Variants in LRIG1 observed in about 807,000 individuals in gnomAD.
LRIG1 encodes leucine rich repeats and immunoglobulin like domains 1.
In LRIG1, 48 loss-of-function variants were observed where a neutral mutation model predicts 99.2. The observed-to-expected ratio is 0.48, with a 90% CI of 0.38 to 0.62. The LOEUF (loss-of-function observed/expected upper bound fraction) is 0.62, where lower values mean the gene tolerates loss of function less well. Among genes scored for constraint, LRIG1 ranks in the 20% least tolerant of loss-of-function variants. The pLI is 0.00. For missense variants in LRIG1, 1,646 were observed against 1,434.4 expected (o/e 1.15, Z -2.38); for synonymous variants, 772 against 596.1 (o/e 1.29, Z -4.30).
chr3:66,456,834 C>T (rs541623511), intron 2 of LRIG1, among the ~76,000 whole-genome samples: 4 of 152,274 alleles, frequency 2.6e-5, no homozygotes, highest in Non-Finnish European at 4.4e-5. Flanking sequence ...CAGGCACTCG[C>T]GGGCCAGGCG....
intron 3 of LRIG1, among the ~76,000 whole-genome samples, chr3:66,429,647 G>A (rs1485571151): frequency 2.0e-5 from 3 of 152,144 alleles, no homozygotes; most frequent in African/African-American, 7.2e-5. Context: ...GTGGGCACAT[G>A]TGATTATACA....
chr3:66,477,104 T>C (rs937774813), intron 1 of LRIG1, among the ~76,000 whole-genome samples: 1 of 152,226 alleles, frequency 6.6e-6, no homozygotes, highest in Non-Finnish European at 1.5e-5. Context: ...AAAAATATAC[T>C]TAAGCAGCCA....
chr3:66,485,762 C>T (rs992523094), intron 1 of LRIG1, among the ~76,000 whole-genome samples: 1 of 152,040 alleles, frequency 6.6e-6, no homozygotes, highest in African/African-American at 2.4e-5. Context: ...ATGTTACCAC[C>T]CCCTTTACCA....
chr3:66,448,452 T>G (rs1373029981), intron 3 of LRIG1, among the ~76,000 whole-genome samples: 1 of 152,206 alleles, frequency 6.6e-6, no homozygotes, highest in Admixed American at 6.5e-5. Flanking sequence ...GCAACAACAG[T>G]GGTTATTGGT....
At chr3:66,480,666 C>T (rs985179528) in intron 1 of LRIG1, among the ~76,000 whole-genome samples, 7 of 152,278 alleles carry the variant, frequency 4.6e-5, no homozygotes, top group African/African-American at 1.7e-4. Flanking sequence ...GTCCTATACT[C>T]GCTCCCAAGC....
intron 3 of LRIG1, among the ~76,000 whole-genome samples, chr3:66,438,847 C>T (rs1056034430): frequency 2.0e-5 from 3 of 152,246 alleles, no homozygotes; most frequent in Non-Finnish European, 4.4e-5. Context: ...CAACAACTCA[C>T]GCCTTTTGGC....
intron 3 of LRIG1, among the ~76,000 whole-genome samples, chr3:66,417,801 A>C (rs1361080217): frequency 6.6e-6 from 1 of 152,208 alleles, no homozygotes; most frequent in African/African-American, 2.4e-5. Context: ...AAAAAGAAAA[A>C]AAAAAAAAGA....
Position 66,428,904 on chromosome 3 carries a change from C to T in LRIG1, c.366-11638G>A, listed in dbSNP as rs184848999. Among the ~76,000 whole-genome samples, 7 of 152,326 alleles carry T rather than the reference C, an allele frequency of 4.6e-5. No individual in the cohort carries two copies. In the East Asian group the frequency reaches 1.4e-3, roughly 29 times the overall value. ...CTCTTCCCCTGCTGCTGGTGAATCA[C>T]CAGTTCCCTGGGGAATTTTGGCAGA... is the stretch of plus-strand genomic sequence containing the variant. On this transcript the variant is annotated intron_variant, in intron 3 of 18. Transcript: ENST00000273261.
At chr3:66,457,657 G>A (rs1700260703) in intron 2 of LRIG1, among the ~76,000 whole-genome samples, 1 of 152,230 alleles carries the variant, frequency 6.6e-6, no homozygotes, top group Non-Finnish European at 1.5e-5. Flanking sequence ...ACAGAAGAAA[G>A]AAAGCAAACG....
intron 3 of LRIG1, among the ~76,000 whole-genome samples, chr3:66,442,530 C>T (rs1453074610): frequency 6.6e-6 from 1 of 152,058 alleles, no homozygotes; most frequent in Non-Finnish European, 1.5e-5. Context: ...ACCCCTTTCA[C>T]ACGGGAGATT....
At chr3:66,411,867 A>G (rs1250558437) in intron 6 of LRIG1, among the ~76,000 whole-genome samples, 1 of 150,966 alleles carries the variant, frequency 6.6e-6, no homozygotes, top group Non-Finnish European at 1.5e-5. Context: ...AAAACAGAAA[A>G]ACGAAAAAGA....
rs919968705 is a variant in LRIG1 at position 66,501,003 on chromosome 3, C to G, written c.-596G>C. On this transcript the variant is annotated 5_prime_UTR_variant, in exon 1 of 19. Coordinates refer to ENST00000273261, the MANE Select transcript of LRIG1 (RefSeq NM_015541.3). Reference sequence around the variant, plus strand: ...GCAAGAGTCCCGCCGACCTCGCAGCCGAACAATCAGCCGCTTGCTGTTCGC... The same window carrying G: ...GCAAGAGTCCCGCCGACCTCGCAGCGGAACAATCAGCCGCTTGCTGTTCGC... 3.9e-5 allele frequency: 6 copies of G among 152,412 alleles called. No homozygotes were observed. Among genetic ancestry groups the G allele is most frequent in the African/African-American group, 9.7e-5 (4 of 41,442 alleles). The allele number at this position is 152,412 out of a possible 1,614,324, so 9.4% of individuals were successfully genotyped here.
chr3:66,411,746 G>C (rs1433513409), intron 6 of LRIG1, among the ~76,000 whole-genome samples: 1 of 152,126 alleles, frequency 6.6e-6, no homozygotes, highest in East Asian at 1.9e-4. Context: ...GAAGAAGAAG[G>C]GGCGGACATG....
At chr3:66,436,058 T>C (rs1163504455) in intron 3 of LRIG1, among the ~76,000 whole-genome samples, 1 of 152,188 alleles carries the variant, frequency 6.6e-6, no homozygotes, top group African/African-American at 2.4e-5. Flanking sequence ...ACTGTTTAAT[T>C]ACTTCCCATC....
intron 5 of LRIG1, among the ~76,000 whole-genome samples, chr3:66,413,855 C>T (rs906751960): frequency 6.6e-6 from 1 of 152,180 alleles, no homozygotes; most frequent in African/African-American, 2.4e-5. Context: ...GAGCCAGGCA[C>T]ACCCCGTCGT....
At chr3:66,412,714 A>C (rs1203643907) in intron 6 of LRIG1, among the ~76,000 whole-genome samples, 157 bp downstream of exon 6, 2 of 151,902 alleles carry the variant, frequency 1.3e-5, no homozygotes, top group East Asian at 1.9e-4. Flanking sequence ...ACGCACACAC[A>C]CCCCACACCA....
intron 1 of LRIG1, among the ~76,000 whole-genome samples, chr3:66,480,672 C>T (rs12637858): frequency 0.13 from 20,423 of 152,220 alleles, 2,040 homozygotes; most frequent in East Asian, 0.47. Context: ...TACTCGCTCC[C>T]AAGCTCTGTC....
In LRIG1 at chr3:66,388,096, G is replaced by C. The variant is rs1363631591; in HGVS notation, c.1469-1795C>G. ...CCCTCCAGCCTGGGTGACAGAGCAA[G>C]ACTCTGTCTCAAAAAAAAAAAAAAA... On this transcript the variant is annotated intron_variant, in intron 12 of 18. Transcript: ENST00000273261. 5 of 85,210 alleles carry C rather than the reference G, an allele frequency of 5.9e-5. No homozygotes were observed. The East Asian group carries it at 1.2e-3, about 20-fold the overall frequency. 5.3% of individuals were successfully genotyped at this position (85,210 alleles called of 1,614,324 possible).
rs563053594 is a variant in LRIG1 at position 66,382,441 on chromosome 3, C to A, written c.2492-43G>T. 5.0e-6 allele frequency: 8 copies of A among 1,612,402 alleles called. No homozygotes were observed. In the Admixed American group the frequency reaches 1.3e-4, roughly 27 times the overall value. On this transcript the variant is annotated intron_variant, in intron 15 of 18. Transcript: ENST00000273261. The stretch of plus-strand genomic sequence containing the variant: ...AAATAGAACACCAGGGTCTCAGTGA[C>A]AAGAAATGCAGACACACGTTCACTG...
Sources: gnomAD v4.1 joint callset for allele counts (sites outside exome capture counted in the v4.1 genomes callset) on GRCh38, gnomAD v4.1.1 for gene constraint, MANE v1.5 for transcripts, NCBI Gene and HGNC (gene_info 2026-07-23, HGNC 2026-07-21) for gene names.